The following ZFHX3 variants were observed in gnomAD, a reference collection of about 807,000 sequenced individuals.
ZFHX3 encodes zinc finger homeobox 3, also known as zinc finger homeobox protein 3.
A neutral mutation model predicts 279.1 loss-of-function variants in ZFHX3; 42 were observed. The ratio of observed to expected loss-of-function variants is 0.15; its 90% CI spans 0.12 to 0.19. The LOEUF (loss-of-function observed/expected upper bound fraction) is 0.19. Among genes scored for constraint, ZFHX3 ranks in the 10% least tolerant of loss-of-function variants. ZFHX3 has a pLI of 1.00. For missense variants in ZFHX3, 4,981 were observed against 4,754.0 expected (o/e 1.05, Z -1.40); for synonymous variants, 2,293 against 1,957.8 (o/e 1.17, Z -4.52).
At chr16:73,084,617 T>C (rs1033174986) in intron 8 of ZFHX3, among the ~76,000 whole-genome samples, 4 of 148,462 alleles carry the variant, frequency 2.7e-5, no homozygotes, top group African/African-American at 1.0e-4. Context: ...ACTTCCCGGG[T>C]TCACACCATT....
At position 73,507,364 on chromosome 16, in the gene ZFHX3, C is replaced by G. The variant is rs534248178; in HGVS notation, c.-1546-51106G>C. 8.5e-5 allele frequency among the ~76,000 whole-genome samples: 13 copies of G among 152,240 alleles called. No homozygotes were observed. The South Asian group carries it at 2.5e-3, about 29-fold the overall frequency. On this transcript the variant is annotated intron_variant, in intron 2 of 17. Coordinates refer to the ZFHX3 transcript ENST00000641206. ...TAAGTTCAATACAAAATACTTCCCA[C>G]CCCACAGTGACTCCTAGAAGAACCA...
At chr16:73,647,157 C>T (rs2052626714) in intron 2 of ZFHX3, among the ~76,000 whole-genome samples, 1 of 151,922 alleles carries the variant, frequency 6.6e-6, no homozygotes, top group Non-Finnish European at 1.5e-5. Context: ...GGACTACAGG[C>T]GCCTGCCACC....
chr16:72,815,022 C>G (rs953841597), intron 5 of ZFHX3, among the ~76,000 whole-genome samples: 3 of 152,180 alleles, frequency 2.0e-5, no homozygotes, highest in African/African-American at 7.2e-5. Context: ...ACACATGCCC[C>G]TCCCTTGCTT....
At chr16:73,854,312 G>A (rs999967433) in intron 1 of ZFHX3, among the ~76,000 whole-genome samples, 7 of 152,290 alleles carry the variant, frequency 4.6e-5, no homozygotes, top group African/African-American at 1.7e-4. Context: ...GATCACCTGA[G>A]GTCAGGAGTT....
intron 3 of ZFHX3, among the ~76,000 whole-genome samples, chr16:73,335,382 TG>T (rs2015892957): frequency 6.6e-6 from 1 of 152,226 alleles, no homozygotes; most frequent in Admixed American, 6.5e-5. Flanking sequence ...ACCCAACAAC[TG>T]AGTAAAGGAC....
At position 72,848,183 on chromosome 16, in the gene ZFHX3, C is replaced by T. The variant is rs1326770272; in HGVS notation, c.3449-18324G>A. ...GGGGAATGGAGGGCAGGCGCTCAGG[C>T]CTGGCACTAATTGCTCTTGGGGATG... On this transcript the variant is annotated intron_variant, in intron 4 of 9. Coordinates refer to ENST00000268489, the MANE Select transcript of ZFHX3 (RefSeq NM_006885.4). 2.0e-5 allele frequency among the ~76,000 whole-genome samples: 3 copies of T among 152,224 alleles called. No homozygotes were observed. In the East Asian group the frequency reaches 5.8e-4, roughly 30 times the overall value.
At chr16:73,121,860 C>G (rs1025990651) in intron 7 of ZFHX3, among the ~76,000 whole-genome samples, 1 of 152,088 alleles carries the variant, frequency 6.6e-6, no homozygotes, top group Non-Finnish European at 1.5e-5. Context: ...CGTGATCCAC[C>G]TGCCTCGGCC....
At chr16:73,619,840 C>T (rs1228312529) in intron 2 of ZFHX3, among the ~76,000 whole-genome samples, 1 of 152,162 alleles carries the variant, frequency 6.6e-6, no homozygotes, top group Non-Finnish European at 1.5e-5. Flanking sequence ...CTCTATCCCA[C>T]GTCTCAAGTT....
At chr16:73,364,953 C>T (rs1422728430) in intron 3 of ZFHX3, among the ~76,000 whole-genome samples, 1 of 152,208 alleles carries the variant, frequency 6.6e-6, no homozygotes, top group African/African-American at 2.4e-5. Flanking sequence ...ACACACGTCG[C>T]CTCCACCCCA....
chr16:73,791,297 C>T (rs538343626), intron 1 of ZFHX3, among the ~76,000 whole-genome samples: 6 of 151,808 alleles, frequency 4.0e-5, no homozygotes, highest in African/African-American at 1.4e-4. Context: ...GAGTCCCAAG[C>T]TTGACGCCAA....
intron 7 of ZFHX3, among the ~76,000 whole-genome samples, chr16:73,118,277 C>T (rs761850082): frequency 3.3e-5 from 5 of 152,150 alleles, no homozygotes; most frequent in South Asian, 2.1e-4. Context: ...GGCACAATTT[C>T]GGCTCGCTGC....
Position 73,191,916 on chromosome 16 carries a change from G to A in ZFHX3, c.-1103-48085C>T, listed in dbSNP as rs537394541. The stretch of plus-strand genomic sequence containing the variant: ...TTAGTGGACATATGTTGGGAGCAGA[G>A]GGAAGGTTCCACAAAGAGGAATCTG... On this transcript the variant is annotated intron_variant, in intron 5 of 17. Coordinates refer to the ZFHX3 transcript ENST00000641206. Among the ~76,000 whole-genome samples the A allele has an allele frequency of 4.0e-4, 61 of 152,314 alleles. 1 individual carries two copies. Among genetic ancestry groups the A allele is most frequent in the Non-Finnish European group, 2.6e-4 (18 of 68,020 alleles).
rs142600441 is a variant in ZFHX3, at chr16:72,950,717, G to A, written c.2968C>T (p.Arg990Cys). 890 of 1,614,064 alleles carry A rather than the reference G, an allele frequency of 5.5e-4. 1 individual carries two copies. Among genetic ancestry groups the A allele is most frequent in the Non-Finnish European group, 6.9e-4 (809 of 1,180,040 alleles). The change falls in exon 3 of 10, where the codon CGC becomes TGC. Residue 990 changes from arginine to cysteine, a missense_variant. Coordinates refer to ENST00000268489, the MANE Select transcript of ZFHX3 (RefSeq NM_006885.4). Reference sequence around the variant, plus strand: ...TTGGCCTTGAGCTGGGTGTTGTAGCGGCAGAGCTTGCACTGGTATGAGTCC... The same window carrying A: ...TTGGCCTTGAGCTGGGTGTTGTAGCAGCAGAGCTTGCACTGGTATGAGTCC... ...MGDSYQCKLC[R>C]YNTQLKANFQ...
At chr16:73,049,275 T>C (rs1038066896), upstream of ZFHX3, among the ~76,000 whole-genome samples, 4 of 152,224 alleles carry the variant, frequency 2.6e-5, no homozygotes, top group Admixed American at 6.5e-5. Flanking sequence ...CTTTTACCCT[T>C]TCTGAAAACC....
intron 5 of ZFHX3, among the ~76,000 whole-genome samples, chr16:73,249,850 A>ACACACAC (rs35087076): frequency 6.6e-6 from 1 of 151,860 alleles, no homozygotes; most frequent in Non-Finnish European, 1.5e-5. Flanking sequence ...ACACACACAC[A>ACACACAC]AAATTCAAAA....
chr16:73,632,750 C>T (rs1486710595), intron 2 of ZFHX3, among the ~76,000 whole-genome samples: 2 of 150,576 alleles, frequency 1.3e-5, no homozygotes, highest in Non-Finnish European at 3.0e-5. Context: ...ATTTGATGAG[C>T]ATAAAAGCAA....
chr16:73,832,965 A>C (rs1002960397), intron 1 of ZFHX3, among the ~76,000 whole-genome samples: 1 of 152,234 alleles, frequency 6.6e-6, no homozygotes, highest in Non-Finnish European at 1.5e-5. Context: ...TTTCTACATG[A>C]ATGTCTATAC....
intron 2 of ZFHX3, among the ~76,000 whole-genome samples, chr16:73,493,617 C>T (rs1044691251): frequency 6.6e-6 from 1 of 152,184 alleles, no homozygotes; most frequent in African/African-American, 2.4e-5. Context: ...TCACATGGTG[C>T]TTGGGTCCAG....
intron 3 of ZFHX3, among the ~76,000 whole-genome samples, chr16:73,323,879 C>A (rs139186670): frequency 5.3e-5 from 8 of 152,320 alleles, no homozygotes; most frequent in Non-Finnish European, 1.0e-4. Flanking sequence ...ATCAACCCAT[C>A]TGGGCTTAAG....
Sources: gnomAD v4.1 joint callset for allele counts (sites outside exome capture counted in the v4.1 genomes callset) on GRCh38, gnomAD v4.1.1 for gene constraint, MANE v1.5 for transcripts, NCBI Gene and HGNC (gene_info 2026-07-23, HGNC 2026-07-21) for gene names.